Variants in MEI4 observed in about 807,000 individuals in gnomAD.
MEI4 encodes meiotic double-stranded break formation protein 4, also known as meiosis-specific protein MEI4.
In MEI4, 27 loss-of-function variants were observed where a neutral mutation model predicts 31.4. The observed-to-expected ratio is 0.86, with a 90% CI of 0.63 to 1.19. MEI4 has a LOEUF of 1.19. MEI4 is among the 50% of genes most tolerant of loss of function. The pLI is 0.00. For missense variants in MEI4, 329 were observed against 398.9 expected (o/e 0.82, Z 1.49); for synonymous variants, 122 against 145.4 (o/e 0.84, Z 1.16).
At chr6:77,665,436 C>T (rs61485746) in intron 1 of MEI4, among the ~76,000 whole-genome samples, 8,117 of 150,312 alleles carry the variant, frequency 0.054, 534 homozygotes, top group African/African-American at 0.15. Context: ...CGGGACTTGC[C>T]GCTAAGGGTG....
chr6:77,697,585 G>A (rs1414845759), intron 2 of MEI4, among the ~76,000 whole-genome samples: 1 of 152,332 alleles, frequency 6.6e-6, no homozygotes, highest in Non-Finnish European at 1.5e-5. Context: ...TTTTGAGTGA[G>A]TTTCTTAATC....
At chr6:77,875,821 C>T (rs973121245) in intron 4 of MEI4, among the ~76,000 whole-genome samples, 1 of 152,082 alleles carries the variant, frequency 6.6e-6, no homozygotes, top group African/African-American at 2.4e-5. Flanking sequence ...AATCTTGGCA[C>T]TTTGGGGGAA....
At chr6:77,822,899 G>A (rs897787254) in intron 3 of MEI4, among the ~76,000 whole-genome samples, 6 of 151,996 alleles carry the variant, frequency 3.9e-5, no homozygotes, top group Non-Finnish European at 7.4e-5. Flanking sequence ...TGGGATTACA[G>A]GTGTGAGCCC....
At chr6:77,678,138 T>C (rs976691458) in intron 1 of MEI4, among the ~76,000 whole-genome samples, 30 of 152,186 alleles carry the variant, frequency 2.0e-4, no homozygotes, top group Non-Finnish European at 8.8e-5. Context: ...GAAATAGATT[T>C]ATGCTATTAT....
chr6:77,769,764 G>C (rs988328453), intron 3 of MEI4, among the ~76,000 whole-genome samples: 1 of 152,116 alleles, frequency 6.6e-6, no homozygotes, highest in African/African-American at 2.4e-5. Context: ...GGAACCCATT[G>C]CCTTGAAGGG....
rs191159457 is a variant in MEI4, at chr6:77,738,925, T to G, written c.233-22205T>G. 2.4e-4 allele frequency among the ~76,000 whole-genome samples: 37 copies of G among 152,336 alleles called. No individual in the cohort carries two copies. The East Asian group carries it at 5.4e-3, about 22-fold the overall frequency. The stretch of plus-strand genomic sequence containing the variant: ...TGTCTGTTCATATCCTTTGCCCACT[T>G]TTTGATGGGGTTGTTTTTTTCTTGT... On this transcript the variant is annotated intron_variant, in intron 2 of 4. Coordinates refer to ENST00000684080, the MANE Select transcript of MEI4 (RefSeq NM_001322247.2).
At chr6:77,701,531 G>A (rs978779262) in intron 2 of MEI4, among the ~76,000 whole-genome samples, 23 of 151,912 alleles carry the variant, frequency 1.5e-4, no homozygotes, top group South Asian at 6.3e-4. Flanking sequence ...GTGCCTTTTC[G>A]CCTGCAACTT....
chr6:77,909,270 C>T (rs1323729680), intron 4 of MEI4, among the ~76,000 whole-genome samples: 1 of 152,044 alleles, frequency 6.6e-6, no homozygotes, highest in Non-Finnish European at 1.5e-5. Flanking sequence ...AATCCAGGAG[C>T]TGGTTTTTTG....
chr6:77,791,465 G>T (rs1768929734), intron 3 of MEI4, among the ~76,000 whole-genome samples: 1 of 146,646 alleles, frequency 6.8e-6, no homozygotes, highest in Non-Finnish European at 1.5e-5. Flanking sequence ...CTCACTCATA[G>T]GTGGGAATTG....
At chr6:77,771,361 A>G (rs1223632165) in intron 3 of MEI4, among the ~76,000 whole-genome samples, 1 of 152,060 alleles carries the variant, frequency 6.6e-6, no homozygotes, top group Admixed American at 6.6e-5. Flanking sequence ...TAATTCAGCC[A>G]TTGTGGAAAG....
intron 4 of MEI4, among the ~76,000 whole-genome samples, chr6:77,915,392 C>T (rs1420596269): frequency 1.3e-5 from 2 of 151,910 alleles, no homozygotes; most frequent in African/African-American, 4.8e-5. Flanking sequence ...TGAAGACTTC[C>T]TTTATTGGGT....
At chr6:77,801,539 G>A (rs529075244) in intron 3 of MEI4, among the ~76,000 whole-genome samples, 8 of 152,180 alleles carry the variant, frequency 5.3e-5, no homozygotes, top group South Asian at 4.1e-4. Flanking sequence ...GCTTTTGAAT[G>A]TGTTTGCTCT....
chr6:77,907,727 G>A (rs914595430), intron 4 of MEI4, among the ~76,000 whole-genome samples: 2 of 152,064 alleles, frequency 1.3e-5, no homozygotes, highest in African/African-American at 2.4e-5. Flanking sequence ...CTTCCACACT[G>A]ACTGCCACAA....
intron 4 of MEI4, among the ~76,000 whole-genome samples, chr6:77,864,880 T>C (rs1770976176): frequency 6.6e-6 from 1 of 152,030 alleles, no homozygotes; most frequent in Non-Finnish European, 1.5e-5. Context: ...TAACAAACTG[T>C]CTCTCAGACC....
At chr6:77,903,276 A>G (rs902219195) in intron 4 of MEI4, among the ~76,000 whole-genome samples, 1 of 152,168 alleles carries the variant, frequency 6.6e-6, no homozygotes, top group African/African-American at 2.4e-5. Context: ...CAATCAGCAC[A>G]AACACACTTC....
At chr6:77,753,683 GAC>G (rs1767840664) in intron 2 of MEI4, among the ~76,000 whole-genome samples, 1 of 152,186 alleles carries the variant, frequency 6.6e-6, no homozygotes, top group Admixed American at 6.5e-5. Context: ...CATTGTGGAA[GAC>G]AGTAGGTCGA....
chr6:77,801,714 G>C (rs573175656), intron 3 of MEI4, among the ~76,000 whole-genome samples: 5 of 152,078 alleles, frequency 3.3e-5, no homozygotes, highest in African/African-American at 1.2e-4. Flanking sequence ...GTTTATTTCT[G>C]CCTTCATTTT....
intron 1 of MEI4, among the ~76,000 whole-genome samples, chr6:77,689,943 G>C (rs1316245888): frequency 6.6e-6 from 1 of 151,956 alleles, no homozygotes; most frequent in Non-Finnish European, 1.5e-5. Flanking sequence ...TTAAAGCAGT[G>C]TATGCAGTGG....
At chr6:77,709,740 TGGCCTTGACACCCAG>T in intron 2 of MEI4, among the ~76,000 whole-genome samples, 1 of 152,342 alleles carries the variant, frequency 6.6e-6, no homozygotes, top group East Asian at 1.9e-4. Context: ...TTTGACAGAA[TGGCCTTGACACCCAG>T]TTCATACAAA....
Sources: allele counts gnomAD v4.1 joint callset (sites outside exome capture counted in the v4.1 genomes callset), GRCh38; gene constraint gnomAD v4.1.1; transcripts MANE v1.5; gene names NCBI Gene and HGNC (gene_info 2026-07-23, HGNC 2026-07-21).